FRY: variants seen among roughly 807,000 people sequenced by gnomAD.
FRY encodes the protein protein furry homolog.
FRY carries 128 observed loss-of-function variants against 348.4 expected under a neutral mutation model. The ratio of observed to expected loss-of-function variants is 0.37; its 90% confidence interval spans 0.32 to 0.43. The LOEUF (loss-of-function observed/expected upper bound fraction) is 0.43, where lower values mean the gene tolerates loss of function less well. Among genes scored for constraint, FRY ranks in the 20% least tolerant of loss-of-function variants. The pLI, the probability that FRY is intolerant of heterozygous loss-of-function variation, is 1.00. For missense variants in FRY, 2,736 were observed against 3,695.2 expected (o/e 0.74, Z 6.73); for synonymous variants, 1,370 against 1,374.7 (o/e 1.00, Z 0.08).
chr13:32,271,395 T>C (rs892873097), intron 55 of FRY, among the ~76,000 whole-genome samples: 1 of 152,118 alleles, frequency 6.6e-6, no homozygotes, highest in Non-Finnish European at 1.5e-5. Context: ...GAGAAACACC[T>C]CAAGCCATGC....
chr13:32,105,333 A>C (rs1364451610), intron 3 of FRY, among the ~76,000 whole-genome samples: 1 of 152,196 alleles, frequency 6.6e-6, no homozygotes, highest in Non-Finnish European at 1.5e-5. Flanking sequence ...TAGAGACCGA[A>C]CCTTCACCAG....
chr13:32,185,948 G>A (rs1883001685), intron 26 of FRY, among the ~76,000 whole-genome samples: 1 of 152,148 alleles, frequency 6.6e-6, no homozygotes, highest in African/African-American at 2.4e-5. Flanking sequence ...CATTTAATAT[G>A]TAAGCAGCAG....
intron 23 of FRY, among the ~76,000 whole-genome samples, chr13:32,182,180 G>A (rs534174133): frequency 6.6e-6 from 1 of 152,260 alleles, no homozygotes; most frequent in Non-Finnish European, 1.5e-5. Flanking sequence ...CTGACAACAA[G>A]CTACATCTTA....
chr13:32,284,486 A>C (rs2138629986), intron 58 of FRY, among the ~76,000 whole-genome samples: 1 of 152,378 alleles, frequency 6.6e-6, no homozygotes, highest in Middle Eastern at 3.4e-3. Context: ...TATTGGCTAA[A>C]GAAATGTCTG....
chr13:32,211,431 C>T (rs561462986), intron 34 of FRY, among the ~76,000 whole-genome samples: 39 of 152,318 alleles, frequency 2.6e-4, no homozygotes, highest in Non-Finnish European at 4.4e-4. Flanking sequence ...TATACTCCAG[C>T]TTGGGCGACA....
chr13:32,044,670 A>ATGCT (rs1360170363), intron 1 of FRY, among the ~76,000 whole-genome samples: 4 of 152,198 alleles, frequency 2.6e-5, no homozygotes, highest in African/African-American at 9.7e-5. Context: ...AAAGAGCCAG[A>ATGCT]TGCTTGCTTG....
intron 46 of FRY, among the ~76,000 whole-genome samples, chr13:32,242,039 G>A (rs771492228): frequency 6.6e-6 from 1 of 152,188 alleles, no homozygotes; most frequent in African/African-American, 2.4e-5. Flanking sequence ...ACAGAGTGCT[G>A]TTTTAAATAA....
rs767493030 is a variant in FRY at position 32,239,849 on chromosome 13, A to G, written c.6655A>G (p.Ile2219Val). ...CRYLHEAYADITLNMVTYLAE... is the reference protein window; with the variant it reads ...CRYLHEAYADVTLNMVTYLAE... Reference sequence around the variant, plus strand: ...ATACCTTCATGAAGCATATGCTGACATTACCTTGAATATGGTTACCTACCT... The same window carrying G: ...ATACCTTCATGAAGCATATGCTGACGTTACCTTGAATATGGTTACCTACCT... Residue 2219 changes from isoleucine (I) to valine (V), a missense_variant, in exon 46 of 61, where the codon ATT becomes GTT. This residue lies in a region of FRY where 789 missense variants were observed against 996.2 expected (regional missense o/e 0.79). Coordinates refer to ENST00000542859, the MANE Select transcript of FRY (RefSeq NM_023037.3). This position sits in a 1 kb window ranked among gnomAD's most constrained non-coding sequence, Gnocchi z 4.3. 4 of 1,613,688 alleles carry G rather than the reference A, an allele frequency of 2.5e-6. No homozygotes were observed. The Admixed American group carries it at 5.0e-5, about 20-fold the overall frequency.
intron 3 of FRY, among the ~76,000 whole-genome samples, chr13:32,114,475 T>C (rs552938600): frequency 1.3e-5 from 2 of 152,340 alleles, no homozygotes; most frequent in South Asian, 4.1e-4. Context: ...TTAACTAAAC[T>C]CTACTGTGCT....
intron 59 of FRY, chr13:32,291,914 AT>A (rs2138655421): frequency 2.3e-6 from 1 of 430,528 alleles, no homozygotes; most frequent in African/African-American, 2.0e-5. Context: ...CTGCAGTCTT[AT>A]GATAAAACCT....
intron 2 of FRY, among the ~76,000 whole-genome samples, chr13:32,099,278 A>G (rs537289900): frequency 1.1e-4 from 17 of 152,074 alleles, no homozygotes; most frequent in African/African-American, 4.1e-4. Context: ...ATATATGTAT[A>G]TATATACAGG....
chr13:32,295,033 C>T (rs567335186), intron 60 of FRY, among the ~76,000 whole-genome samples, 169 bp from the exon 61 acceptor site: 1 of 152,226 alleles, frequency 6.6e-6, no homozygotes, highest in Admixed American at 6.5e-5. Flanking sequence ...TCTGAAGATA[C>T]TAAAACCCAC....
intron 1 of FRY, among the ~76,000 whole-genome samples, chr13:32,076,029 A>C (rs144305633): frequency 2.0e-5 from 3 of 152,352 alleles, no homozygotes; most frequent in African/African-American, 7.2e-5. Flanking sequence ...ATTTTTTATG[A>C]TAGCAGTGAA....
chr13:32,240,915 C>A (rs1379890177), intron 46 of FRY, among the ~76,000 whole-genome samples: 1 of 152,178 alleles, frequency 6.6e-6, no homozygotes, highest in Non-Finnish European at 1.5e-5. Flanking sequence ...AGGAGAGATG[C>A]CCCATCCATC....
chr13:32,240,803 C>CTAGTTT (rs1886458494), intron 46 of FRY, among the ~76,000 whole-genome samples: 2 of 152,178 alleles, frequency 1.3e-5, no homozygotes, highest in Non-Finnish European at 2.9e-5. Flanking sequence ...ACAATCTATC[C>CTAGTTT]TAGTTTTTCT....
intron 1 of FRY, among the ~76,000 whole-genome samples, chr13:32,056,470 A>T (rs557653859): frequency 1.3e-5 from 2 of 152,298 alleles, no homozygotes; most frequent in East Asian, 3.9e-4. Context: ...AATGCTACCT[A>T]CAACTGTAAG....
intron 2 of FRY, among the ~76,000 whole-genome samples, chr13:32,089,053 C>T (rs932144279): frequency 2.6e-5 from 4 of 152,160 alleles, no homozygotes; most frequent in African/African-American, 9.7e-5. Flanking sequence ...TGGCTCATTC[C>T]TTAAGGTCAC....
At chr13:32,191,485 C>T (rs185388123) in intron 28 of FRY, among the ~76,000 whole-genome samples, 1 of 152,228 alleles carries the variant, frequency 6.6e-6, no homozygotes, top group Admixed American at 6.5e-5. Context: ...TTAAGCAGTT[C>T]ACCGAAGAGG....
At chr13:32,149,555 A>G (rs1393574464) in intron 13 of FRY, among the ~76,000 whole-genome samples, 193 bp from the exon 14 acceptor site, 1 of 152,062 alleles carries the variant, frequency 6.6e-6, no homozygotes, top group Non-Finnish European at 1.5e-5. Context: ...ACACCACACA[A>G]AACAGAAGCA....
Sources: gnomAD v4.1 joint callset for allele counts (sites outside exome capture counted in the v4.1 genomes callset) on GRCh38, gnomAD v4.1.1 for gene constraint, gnomAD v4.1.1 regional missense constraint, Gnocchi (gnomAD v3.1) non-coding constraint, MANE v1.5 for transcripts, NCBI Gene and HGNC (gene_info 2026-07-23, HGNC 2026-07-21) for gene names.